The following ZER1 variants were observed in gnomAD, a reference collection of about 807,000 sequenced individuals.
ZER1 encodes the protein protein zer-1 homolog.
A neutral mutation model predicts 78.8 loss-of-function variants in ZER1; 11 were observed. That is an observed-to-expected ratio of 0.14 (90% confidence interval 0.09 to 0.23). The LOEUF (loss-of-function observed/expected upper bound fraction) is 0.23, where lower values mean the gene tolerates loss of function less well. Ranked by LOEUF, ZER1 falls within the 10% of genes least tolerant of loss-of-function variation. The pLI is 1.00. For missense variants in ZER1, 588 were observed against 996.9 expected (o/e 0.59, Z 5.52); for synonymous variants, 400 against 407.0 (o/e 0.98, Z 0.21).
At position 128,740,998 on chromosome 9, in the gene ZER1, AG is replaced by A; in HGVS notation, c.1738-112del. 1 of 681,792 alleles carries A rather than the reference AG, an allele frequency of 1.5e-6. No individual in the cohort carries two copies. Among genetic ancestry groups the A allele is most frequent in the Non-Finnish European group, 2.7e-6 (1 of 369,390 alleles). 42.2% of individuals were successfully genotyped at this position (681,792 alleles called of 1,614,324 possible). A position where few individuals can be genotyped will look rare whatever the true frequency, so the allele number is the denominator to read the frequency against. ...ATCTGGCCATGCCAACTAGACAAAG[AG>A]GGGGCATATATGCTGCCCTCCTACC... On this transcript the variant is annotated intron_variant, in intron 11 of 15. Coordinates refer to ENST00000291900, the MANE Select transcript of ZER1 (RefSeq NM_006336.4). The surrounding 1 kb of genome is among the most constrained non-coding windows in gnomAD (Gnocchi z 4.4).
chr9:128,735,991 C>T (rs1230768850), intron 13 of ZER1, among the ~76,000 whole-genome samples: 1 of 151,768 alleles, frequency 6.6e-6, no homozygotes, highest in Non-Finnish European at 1.5e-5. Flanking sequence ...CTCTGTCGCT[C>T]AGGCTGGAGT....
rs1018871491 is a variant in ZER1, at chr9:128,753,368, T to G, written c.542A>C (p.Asn181Thr). 2 of 1,613,828 alleles carry G rather than the reference T, an allele frequency of 1.2e-6. No homozygotes were observed. Among genetic ancestry groups the G allele is most frequent in the African/African-American group, 2.7e-5 (2 of 74,934 alleles). Residue 181 changes from asparagine to threonine, a missense_variant, in exon 4 of 16, where the codon AAC (asparagine) becomes ACC (threonine). Around this residue, in one of 3 missense-constraint regions of ZER1, gnomAD observed 406 missense variants for 660.1 expected, o/e 0.62. Coordinates refer to ENST00000291900, the MANE Select transcript of ZER1 (RefSeq NM_006336.4). The surrounding 1 kb of genome is among the most constrained non-coding windows in gnomAD (Gnocchi z 7.5). ...GACCCAATCAATCATGCGGCCCAAG[T>G]TGAGGAAGCGGAGGCGGCTGAAGCC... ...FEGFSRLRFL[N>T]LGRMIDWVPV... is the part of the protein sequence containing the mutation.
At chr9:128,734,521 A>G (rs938986396) in intron 14 of ZER1, among the ~76,000 whole-genome samples, 9 of 150,650 alleles carry the variant, frequency 6.0e-5, no homozygotes, top group Non-Finnish European at 1.2e-4. Flanking sequence ...TTAAGTAGAG[A>G]CAGGGTTGCG....
rs761019671 is a variant in ZER1, at chr9:128,753,885, C to T, written c.233G>A (p.Arg78His). The T allele has an allele frequency of 8.1e-6, 13 of 1,600,584 alleles. No individual in the cohort carries two copies. Among genetic ancestry groups the T allele is most frequent in the Non-Finnish European group, 1.0e-5 (12 of 1,174,150 alleles). The change falls in exon 3 of 16, where the codon CGC (arginine) becomes CAC (histidine). Residue 78 changes from arginine to histidine, a missense_variant. Physicochemically the swap from Arg to His is conservative, Grantham distance 29. Coordinates refer to ENST00000291900, the MANE Select transcript of ZER1 (RefSeq NM_006336.4). The surrounding 1 kb of genome is among the most constrained non-coding windows in gnomAD (Gnocchi z 7.5). ...GTGGATCCGCGTGAGGCGGGTGCTG[C>T]GGGGGTCCGAAAAGAGGCTGAAGAA... ...ESFFSLFSDP[R>H]STRLTRIHLR...
chr9:128,731,202 G>A lies in ZER1; in HGVS notation c.*135C>T, dbSNP rs564280946. The A allele has an allele frequency of 1.1e-5, 6 of 564,388 alleles. No homozygotes were observed. The highest frequency in any genetic ancestry group is 1.5e-5 in the Non-Finnish European group (5 of 325,656). 35.0% of individuals were successfully genotyped at this position (564,388 alleles called of 1,614,324 possible). ...CTCACTAACATTAAGGAAAAGCGTCGGTTGTGCAAAAGTCCCCCATGTCTC... is the reference window on the plus strand; with the variant it reads ...CTCACTAACATTAAGGAAAAGCGTCAGTTGTGCAAAAGTCCCCCATGTCTC... On this transcript the variant is annotated 3_prime_UTR_variant, in exon 16 of 16. Transcript: ENST00000291900.
At chr9:128,745,485 G>A (rs1863458636) in intron 8 of ZER1, among the ~76,000 whole-genome samples, 1 of 151,674 alleles carries the variant, frequency 6.6e-6, no homozygotes, top group African/African-American at 2.4e-5. Flanking sequence ...AGCCTCCCAA[G>A]TAGCTGGGAT....
chr9:128,753,701 A>G lies in ZER1; in HGVS notation c.310-101T>C, dbSNP rs1863762866. 5 of 1,560,436 alleles carry G rather than the reference A, an allele frequency of 3.2e-6. No individual in the cohort carries two copies. The highest frequency in any genetic ancestry group is 4.3e-6 in the Non-Finnish European group (5 of 1,153,708). On this transcript the variant is annotated intron_variant, in intron 3 of 15. Transcript: ENST00000291900. The surrounding 1 kb of genome is among the most constrained non-coding windows in gnomAD (Gnocchi z 7.5). ...AGGTGGGTTGGAAAGGGGGATGTGCACAGTCACGGTGCACACTGGCTGGGC... is the reference window on the plus strand; with the variant it reads ...AGGTGGGTTGGAAAGGGGGATGTGCGCAGTCACGGTGCACACTGGCTGGGC...
In ZER1 at chr9:128,751,559, T is replaced by G. The variant is rs535468621; in HGVS notation, c.924-32A>C. On this transcript the variant is annotated intron_variant, in intron 5 of 15. Transcript: ENST00000291900. The surrounding 1 kb of genome is among the most constrained non-coding windows in gnomAD (Gnocchi z 5.4). ...AAAGAGGGTGCCGGTGTCAGTGGCT[T>G]GGGACCCAGGCCTGAGCTGGGCCTC... is the stretch of plus-strand genomic sequence containing the variant. 23 of 1,596,990 alleles carry G rather than the reference T, an allele frequency of 1.4e-5. No individual in the cohort carries two copies. In the South Asian group the frequency reaches 2.1e-4, roughly 15 times the overall value.
intron 13 of ZER1, 104 bp downstream of exon 13, chr9:128,739,827 A>T: frequency 7.2e-7 from 1 of 1,390,314 alleles, no homozygotes; most frequent in Non-Finnish European, 9.8e-7. Context: ...ACAGAAGACC[A>T]GAAGGAAGGT....
At chr9:128,742,452 G>A in intron 9 of ZER1, 78 bp downstream of exon 9, 2 of 1,548,620 alleles carry the variant, frequency 1.3e-6, no homozygotes, top group Non-Finnish European at 1.8e-6. Context: ...GCCCTGCTCT[G>A]AGACTCTCGC....
At chr9:128,750,458 G>A (rs1368306184) in intron 8 of ZER1, among the ~76,000 whole-genome samples, 158 bp downstream of exon 8, 1 of 152,208 alleles carries the variant, frequency 6.6e-6, no homozygotes. Context: ...GTGATGGACT[G>A]TGGGAAGGGC....
At chr9:128,763,742 C>T (rs1864119967) in intron 1 of ZER1, among the ~76,000 whole-genome samples, 1 of 152,172 alleles carries the variant, frequency 6.6e-6, no homozygotes, top group Non-Finnish European at 1.5e-5. Flanking sequence ...AATCCCAAAA[C>T]TTTGGGAGAC....
At chr9:128,757,499 G>T (rs1000396086) in intron 1 of ZER1, among the ~76,000 whole-genome samples, 1 of 151,606 alleles carries the variant, frequency 6.6e-6, no homozygotes, top group Non-Finnish European at 1.5e-5. Context: ...TCTAGCCTGG[G>T]CAACAAAGCC....
chr9:128,748,854 G>A, intron 8 of ZER1, among the ~76,000 whole-genome samples: 1 of 151,276 alleles, frequency 6.6e-6, no homozygotes, highest in African/African-American at 2.4e-5. Context: ...TTACAGGTGT[G>A]AGCCACCGTG....
chr9:128,750,920 G>A (rs1303186448), intron 7 of ZER1, 131 bp from the exon 8 acceptor site: 5 of 1,432,604 alleles, frequency 3.5e-6, no homozygotes, highest in African/African-American at 1.4e-5. Flanking sequence ...GTGGGGCCTG[G>A]GGAGCAGACA....
chr9:128,743,009 CAG>C (rs1231738682), intron 8 of ZER1, among the ~76,000 whole-genome samples: 1 of 152,190 alleles, frequency 6.6e-6, no homozygotes, highest in African/African-American at 2.4e-5. Context: ...GGTCAAGAAA[CAG>C]AACACTGTCA....
intron 13 of ZER1, 21 bp from the exon 14 acceptor site, chr9:128,735,452 G>A (rs1043065338): frequency 4.4e-6 from 7 of 1,608,938 alleles, no homozygotes; most frequent in African/African-American, 1.3e-5. Context: ...AGAAATCAAG[G>A]TCACTGTGGA....
intron 8 of ZER1, chr9:128,746,173 C>T (rs982311322): frequency 1.3e-5 from 2 of 152,114 alleles, no homozygotes; most frequent in Non-Finnish European, 2.9e-5. Flanking sequence ...GAGGATATAT[C>T]TTTTTCCTCT....
In ZER1 at chr9:128,735,783, T is replaced by G. The variant is rs1315793085; in HGVS notation, c.2043-352A>C. ...CTGGTTTTTTTTTTTTTTTTTTTTT[T>G]TTTTTTTTTTGTGAGACGGAGTTTC... On this transcript the variant is annotated intron_variant, in intron 13 of 15. Coordinates refer to ENST00000291900, the MANE Select transcript of ZER1 (RefSeq NM_006336.4). Among the ~76,000 whole-genome samples the G allele has an allele frequency of 1.8e-4, 25 of 136,050 alleles. No individual in the cohort carries two copies. In the East Asian group the frequency reaches 2.6e-3, roughly 14 times the overall value. The allele number at this position is 136,050 out of a possible 152,430, so 89.3% of individuals were successfully genotyped here. A position where few individuals can be genotyped will look rare whatever the true frequency, so the allele number is the denominator to read the frequency against.
Sources: gnomAD v4.1 joint callset for allele counts (sites outside exome capture counted in the v4.1 genomes callset) on GRCh38, gnomAD v4.1.1 for gene constraint, gnomAD v4.1.1 regional missense constraint, Gnocchi (gnomAD v3.1) non-coding constraint, MANE v1.5 for transcripts, NCBI Gene and HGNC (gene_info 2026-07-23, HGNC 2026-07-21) for gene names.